GSE1: variants seen among roughly 807,000 people sequenced by gnomAD.
GSE1 encodes the protein genetic suppressor element 1.
In GSE1, 32 loss-of-function variants were observed where a neutral mutation model predicts 112.6. That is an observed-to-expected ratio of 0.28 (90% CI 0.21 to 0.38). The LOEUF (loss-of-function observed/expected upper bound fraction) is 0.38, where lower values mean the gene tolerates loss of function less well. Among genes scored for constraint, GSE1 ranks in the 10% least tolerant of loss-of-function variants. The pLI is 1.00. For synonymous variants in GSE1, 1,115 were observed against 735.6 expected (o/e 1.52, Z -8.35); for missense variants, 2,348 against 1,699.2 (o/e 1.38, Z -6.71).
In GSE1 at chr16:85,344,966, G is replaced by A. The variant is rs137961258; in HGVS notation, c.2284-12497G>A. ...TGCCCTCACCGTGGCTCACAGGTTC[G>A]CCTCTTCTGTCAAGACTCAGCCGCC... is the stretch of plus-strand genomic sequence containing the variant. On this transcript the variant is annotated intron_variant, in intron 1 of 2. Transcript: ENST00000637419. 4.1e-4 allele frequency among the ~76,000 whole-genome samples: 62 copies of A among 152,308 alleles called. No individual in the cohort carries two copies. In the East Asian group the frequency reaches 8.7e-3, roughly 21 times the overall value.
At chr16:85,628,700 C>T (rs939706152) in intron 1 of GSE1, among the ~76,000 whole-genome samples, 4 of 152,198 alleles carry the variant, frequency 2.6e-5, no homozygotes, top group Admixed American at 6.5e-5. Context: ...TTTGAATGTC[C>T]GCCTTTTAAA....
chr16:85,245,963 TG>T (rs1390760236), intron 1 of GSE1, among the ~76,000 whole-genome samples: 3 of 149,446 alleles, frequency 2.0e-5, no homozygotes. Context: ...AGGGCGTGTG[TG>T]TGTGGGGGGC....
At chr16:85,670,733 C>A in intron 14 of GSE1, 1 of 240,874 alleles carries the variant, frequency 4.2e-6, no homozygotes, top group Non-Finnish European at 7.9e-6. Flanking sequence ...CATCAAATTT[C>A]TTCCTAATCT....
intron 1 of GSE1, among the ~76,000 whole-genome samples, chr16:85,307,744 C>T (rs895371265): frequency 1.3e-5 from 2 of 152,162 alleles, no homozygotes; most frequent in African/African-American, 4.8e-5. Context: ...AAGCTGATGC[C>T]CTGTGGTTCA....
chr16:85,616,588 C>G (rs541627590), intron 1 of GSE1, among the ~76,000 whole-genome samples: 2 of 152,234 alleles, frequency 1.3e-5, no homozygotes, highest in African/African-American at 4.8e-5. Flanking sequence ...CCCTCCCTTT[C>G]CTGGTGTGCC....
intron 2 of GSE1, among the ~76,000 whole-genome samples, chr16:85,454,201 T>A (rs1288003867): frequency 6.6e-6 from 1 of 152,218 alleles, no homozygotes; most frequent in Non-Finnish European, 1.5e-5. Context: ...GTGTGGAGCC[T>A]TTCCATACAC....
chr16:85,514,308 AG>A (rs2151938111), intron 2 of GSE1, among the ~76,000 whole-genome samples: 1 of 147,908 alleles, frequency 6.8e-6, no homozygotes, highest in African/African-American at 2.6e-5. Flanking sequence ...AGGAACCCCC[AG>A]GCCTTCCCTG....
intron 1 of GSE1, among the ~76,000 whole-genome samples, chr16:85,625,368 G>A (rs546707541): frequency 1.3e-4 from 20 of 152,256 alleles, no homozygotes; most frequent in African/African-American, 4.3e-4. Flanking sequence ...CAGGACCGTC[G>A]GCTCCTAGGA....
At chr16:85,656,254 G>A (rs897089351) in intron 6 of GSE1, 89 bp from the exon 7 acceptor site, 9 of 1,516,354 alleles carry the variant, frequency 5.9e-6, no homozygotes, top group East Asian at 4.5e-5. Context: ...GCCCTGGCTC[G>A]TTCCTGGTTA....
intron 2 of GSE1, among the ~76,000 whole-genome samples, chr16:85,449,619 C>A (rs912238347): frequency 6.6e-6 from 1 of 152,206 alleles, no homozygotes; most frequent in Non-Finnish European, 1.5e-5. Flanking sequence ...TTATGAAGCC[C>A]AAATGCCTTG....
chr16:85,603,651 A>AC (rs1293823027), intron 1 of GSE1, among the ~76,000 whole-genome samples: 2 of 152,108 alleles, frequency 1.3e-5, no homozygotes, highest in African/African-American at 4.8e-5. Flanking sequence ...ACAGACATGT[A>AC]CCCCCAAGCC....
chr16:85,665,591 C>T (rs553506021), intron 12 of GSE1, among the ~76,000 whole-genome samples: 32 of 126,392 alleles, frequency 2.5e-4, no homozygotes, highest in Non-Finnish European at 1.1e-4. Flanking sequence ...ACCTTTCCTC[C>T]TCTTACAGTT....
At chr16:85,265,134 G>A (rs1260160534) in intron 1 of GSE1, among the ~76,000 whole-genome samples, 1 of 152,206 alleles carries the variant, frequency 6.6e-6, no homozygotes, top group Non-Finnish European at 1.5e-5. Flanking sequence ...AGTTGGGAGA[G>A]TTGCAAGGGG....
intron 2 of GSE1, among the ~76,000 whole-genome samples, chr16:85,404,205 G>A (rs1232328527): frequency 1.1e-5 from 1 of 94,328 alleles, no homozygotes; most frequent in East Asian, 3.0e-4. Context: ...GGCCCCCCTG[G>A]ATAATCCTCA....
intron 1 of GSE1, among the ~76,000 whole-genome samples, chr16:85,340,211 G>T (rs943500505): frequency 6.6e-6 from 1 of 152,156 alleles, no homozygotes; most frequent in Non-Finnish European, 1.5e-5. Context: ...TTAGCCGGGT[G>T]TGGTGGCGTG....
chr16:85,357,382 C>A, intron 1 of GSE1: 1 of 925,850 alleles, frequency 1.1e-6, no homozygotes, highest in Non-Finnish European at 1.4e-6. Flanking sequence ...AGGAATGGCA[C>A]CTATGGCCAG....
chr16:85,266,153 CAG>C (rs759168057), intron 1 of GSE1, among the ~76,000 whole-genome samples: 34 of 152,262 alleles, frequency 2.2e-4, no homozygotes, highest in Non-Finnish European at 4.1e-4. Context: ...ACCCATCTGA[CAG>C]GGGCCTCCCT....
At position 85,478,960 on chromosome 16, in the gene GSE1, TTTCTTTCCTTCCTTCC is replaced by T. The variant is rs1204034100; in HGVS notation, c.2464+121321_2464+121336del. On this transcript the variant is annotated intron_variant, in intron 2 of 2. Transcript: ENST00000637419. ...TTCTTTCTTTCTTTTTTTTTCTTTC[TTTCTTTCCTTCCTTCC>T]TTCCTTCCTTCCTTCCTTCTTTCCC... 2.8e-3 allele frequency among the ~76,000 whole-genome samples: 236 copies of T among 83,730 alleles called. 45 individuals are homozygous for T. Among genetic ancestry groups the T allele is most frequent in the African/African-American group, 0.015 (220 of 14,782 alleles). The allele number at this position is 83,730 out of a possible 152,430, so 54.9% of individuals were successfully genotyped here.
chr16:85,520,809 G>C (rs1300097213), intron 2 of GSE1, among the ~76,000 whole-genome samples: 1 of 152,170 alleles, frequency 6.6e-6, no homozygotes, highest in African/African-American at 2.4e-5. Flanking sequence ...TTCTGCCAGA[G>C]AAAAAGATTT....
Sources: gnomAD v4.1 joint callset for allele counts (sites outside exome capture counted in the v4.1 genomes callset) on GRCh38, gnomAD v4.1.1 for gene constraint, MANE v1.5 for transcripts, NCBI Gene and HGNC (gene_info 2026-07-23, HGNC 2026-07-21) for gene names.